MRAP2: variants seen among roughly 807,000 people sequenced by gnomAD.
The protein encoded by MRAP2 is melanocortin 2 receptor accessory protein 2, also known as melanocortin-2 receptor accessory protein 2.
Under a neutral mutation model 17.4 loss-of-function variants are expected in MRAP2, and 20 were observed. The ratio of observed to expected loss-of-function variants is 1.15; its 90% CI spans 0.81 to 1.67. MRAP2 has a LOEUF of 1.67. Ranked by LOEUF, MRAP2 falls within the 40% of genes most tolerant of loss-of-function variation. MRAP2 has a pLI of 0.00. For missense variants in MRAP2, 238 were observed against 240.0 expected, an observed-to-expected ratio of 0.99 and a Z score of 0.05; for synonymous variants, 96 against 88.4, an observed-to-expected ratio of 1.09 and a Z score of -0.48.
chr6:84,045,443 GA>G, intron 1 of MRAP2: 1 of 941,558 alleles, frequency 1.1e-6, no homozygotes, highest in Non-Finnish European at 1.3e-6. Context: ...ACCCTTCATT[GA>G]AAATGAAGAA....
At chr6:84,087,830 T>C (rs1185106965) in intron 3 of MRAP2, among the ~76,000 whole-genome samples, 1 of 152,192 alleles carries the variant, frequency 6.6e-6, no homozygotes, top group Non-Finnish European at 1.5e-5. Flanking sequence ...GATTTCTTGC[T>C]TGATGTCACC....
chr6:84,035,325 A>G, intron 1 of MRAP2: 1 of 628,490 alleles, frequency 1.6e-6, no homozygotes, highest in Non-Finnish European at 2.0e-6. Flanking sequence ...TCCTGGCAAC[A>G]TTCTAGAACA....
chr6:84,059,671 A>C (rs1320204047), intron 2 of MRAP2, among the ~76,000 whole-genome samples: 1 of 152,172 alleles, frequency 6.6e-6, no homozygotes, highest in Non-Finnish European at 1.5e-5. Context: ...TTCCATTTGC[A>C]ATTCCCCTGG....
intron 1 of MRAP2, among the ~76,000 whole-genome samples, chr6:84,042,367 A>G (rs546210059): frequency 5.9e-4 from 89 of 152,136 alleles, no homozygotes; most frequent in Non-Finnish European, 9.3e-4. Context: ...AATTATCCCA[A>G]TGGGAGAGGA....
chr6:84,066,088 C>T (rs1352948074), intron 3 of MRAP2, among the ~76,000 whole-genome samples: 4 of 151,912 alleles, frequency 2.6e-5, no homozygotes, highest in Non-Finnish European at 5.9e-5. Flanking sequence ...TCTTCACTTC[C>T]GTGTGGTGTC....
the MRAP2 span, among the ~76,000 whole-genome samples, chr6:84,145,979 T>C: frequency 1.3e-5 from 2 of 152,154 alleles, no homozygotes; most frequent in African/African-American, 4.8e-5. Flanking sequence ...GGCCTAACTT[T>C]GATGAGAGCT....
intron 3 of MRAP2, among the ~76,000 whole-genome samples, chr6:84,081,871 C>T (rs1381357716): frequency 1.3e-5 from 2 of 152,120 alleles, no homozygotes; most frequent in Middle Eastern, 3.2e-3. Flanking sequence ...TGGTGGGTTC[C>T]CCCTGTCTTG....
chr6:84,103,523 T>C, the MRAP2 span, among the ~76,000 whole-genome samples: 2 of 152,230 alleles, frequency 1.3e-5, no homozygotes, highest in East Asian at 3.8e-4. Context: ...TTCCTTACCC[T>C]GACAGCCCAG....
At position 84,068,784 on chromosome 6, in the gene MRAP2, C is replaced by CTTT. The variant is rs34220070; in HGVS notation, c.227+5814_227+5816dup. ...TAGTGTCTGGAAAGTTTGCTGAATT[C>CTTT]TTTTTTTTTTTTTTTTTTTTTTTTG... On this transcript the variant is annotated intron_variant, in intron 3 of 3. Transcript: ENST00000257776. Among the ~76,000 whole-genome samples, 292 of 55,184 alleles carry CTTT rather than the reference C, an allele frequency of 5.3e-3. 8 individuals are homozygous for CTTT. The highest frequency in any genetic ancestry group is 0.02 in the Middle Eastern group (1 of 50). The allele number at this position is 55,184 out of a possible 152,430, so 36.2% of individuals were successfully genotyped here.
chr6:84,068,176 C>CT (rs964036117), intron 3 of MRAP2, among the ~76,000 whole-genome samples: 1 of 151,858 alleles, frequency 6.6e-6, no homozygotes, highest in African/African-American at 2.4e-5. Flanking sequence ...TTTTTGTTTG[C>CT]TTTTTTGAAG....
intron 3 of MRAP2, among the ~76,000 whole-genome samples, chr6:84,065,939 T>A (rs2099494571): frequency 1.3e-5 from 2 of 152,120 alleles, no homozygotes; most frequent in Non-Finnish European, 2.9e-5. Context: ...ACTCTACATA[T>A]TTGGGACTTG....
chr6:84,085,939 G>A (rs1268353709), intron 3 of MRAP2, among the ~76,000 whole-genome samples: 1 of 152,212 alleles, frequency 6.6e-6, no homozygotes, highest in Non-Finnish European at 1.5e-5. Flanking sequence ...TAGCCTGAGT[G>A]AAGACTCACC....
chr6:84,046,804 AAAGG>A (rs1413406062), intron 1 of MRAP2, among the ~76,000 whole-genome samples: 6 of 151,442 alleles, frequency 4.0e-5, no homozygotes, highest in African/African-American at 1.5e-4. Flanking sequence ...AAAAAAAAAA[AAAGG>A]AGAATTTGGG....
rs2099490767 is a variant in MRAP2, at chr6:84,052,786, G to A, written c.-7-2526G>A. ...CAGAATGAGAACCTCCTGTAGGCTG[G>A]CTCTGGTATTCACTCATTCTTGTCT... On this transcript the variant is annotated intron_variant, in intron 1 of 3. Coordinates refer to ENST00000257776, the MANE Select transcript of MRAP2 (RefSeq NM_138409.4). 6.1e-6 allele frequency: 6 copies of A among 984,950 alleles called. No homozygotes were observed. In the South Asian group the frequency reaches 2.3e-4, roughly 39 times the overall value. 61.0% of individuals were successfully genotyped at this position (984,950 alleles called of 1,614,324 possible).
chr6:84,109,909 T>C, the MRAP2 span, among the ~76,000 whole-genome samples: 1 of 152,162 alleles, frequency 6.6e-6, no homozygotes, highest in Admixed American at 6.6e-5. Context: ...GCTTCATCCA[T>C]GTCCCTGCAA....
intron 2 of MRAP2, among the ~76,000 whole-genome samples, chr6:84,055,778 A>C (rs752404165): frequency 6.6e-6 from 1 of 152,242 alleles, no homozygotes; most frequent in African/African-American, 2.4e-5. Flanking sequence ...AAAAATATGT[A>C]TAAAAATAGG....
chr6:84,120,861 A>T, the MRAP2 span, among the ~76,000 whole-genome samples: 2 of 152,166 alleles, frequency 1.3e-5, no homozygotes, highest in African/African-American at 4.8e-5. Flanking sequence ...TTACGTAAAA[A>T]ATAGCAAACT....
At chr6:84,039,430 A>G (rs990695592) in intron 1 of MRAP2, among the ~76,000 whole-genome samples, 1 of 152,196 alleles carries the variant, frequency 6.6e-6, no homozygotes, top group Admixed American at 6.5e-5. Context: ...CTGGAGTATG[A>G]GAAGTGCTTA....
chr6:84,058,329 A>T (rs73483222), intron 2 of MRAP2, among the ~76,000 whole-genome samples: 1 of 152,192 alleles, frequency 6.6e-6, no homozygotes, highest in South Asian at 2.1e-4. Flanking sequence ...TTTTTAAAAG[A>T]TGGATCTGGC....
Sources: allele counts gnomAD v4.1 joint callset (sites outside exome capture counted in the v4.1 genomes callset), GRCh38; gene constraint gnomAD v4.1.1; transcripts MANE v1.5; gene names NCBI Gene and HGNC (gene_info 2026-07-23, HGNC 2026-07-21).